The following MDGA2 variants were observed in gnomAD, a reference collection of about 807,000 sequenced individuals.
MDGA2 encodes the protein MAM domain-containing glycosylphosphatidylinositol anchor protein 2.
Under a neutral mutation model 117.8 loss-of-function variants are expected in MDGA2, and 40 were observed. The observed-to-expected ratio is 0.34, with a 90% CI of 0.26 to 0.44. MDGA2 has a LOEUF of 0.44. Among genes scored for constraint, MDGA2 ranks in the 20% least tolerant of loss-of-function variants. MDGA2 has a pLI of 1.00. For missense variants in MDGA2, 1,123 were observed against 1,250.6 expected, an observed-to-expected ratio of 0.90 and a Z score of 1.54; for synonymous variants, 452 against 439.0, an observed-to-expected ratio of 1.03 and a Z score of -0.37.
intron 9 of MDGA2, among the ~76,000 whole-genome samples, chr14:46,953,123 G>T (rs563535887): frequency 6.6e-6 from 1 of 151,822 alleles, no homozygotes; most frequent in African/African-American, 2.4e-5. Flanking sequence ...GTTTTTCAGA[G>T]AAAGTTTTTA....
intron 1 of MDGA2, among the ~76,000 whole-genome samples, chr14:47,660,616 C>T (rs1048267667): frequency 2.0e-5 from 3 of 152,100 alleles, no homozygotes; most frequent in Admixed American, 6.6e-5. Flanking sequence ...TAACTCTGCG[C>T]GAAAAATGCC....
At chr14:46,894,822 G>C (rs61991421) in intron 10 of MDGA2, among the ~76,000 whole-genome samples, 1 of 151,936 alleles carries the variant, frequency 6.6e-6, no homozygotes, top group Admixed American at 6.6e-5. Flanking sequence ...TCATTCTTTA[G>C]CAGCTTCTGA....
chr14:46,842,378 A>AT (rs760429659), intron 16 of MDGA2, among the ~76,000 whole-genome samples: 223 of 152,126 alleles, frequency 1.5e-3, no homozygotes, highest in Non-Finnish European at 2.7e-3. Flanking sequence ...CAAAAAGTAG[A>AT]TTTTTTTTCA....
intron 2 of MDGA2, among the ~76,000 whole-genome samples, chr14:47,254,012 G>A (rs1177042280): frequency 6.6e-6 from 1 of 152,212 alleles, no homozygotes; most frequent in Non-Finnish European, 1.5e-5. Context: ...GCCTCTTTTA[G>A]CCATGGCTGG....
At chr14:47,263,491 A>G (rs986327482) in intron 2 of MDGA2, among the ~76,000 whole-genome samples, 1 of 152,088 alleles carries the variant, frequency 6.6e-6, no homozygotes, top group Admixed American at 6.6e-5. Context: ...TTGATCTACT[A>G]CTAGTTTTTT....
intron 3 of MDGA2, among the ~76,000 whole-genome samples, chr14:47,171,141 T>C (rs770486484): frequency 6.6e-6 from 1 of 152,096 alleles, no homozygotes; most frequent in Non-Finnish European, 1.5e-5. Context: ...TTTTAAAAAA[T>C]TGCTTATTTT....
At position 47,265,207 on chromosome 14, in the gene MDGA2, C is replaced by T. The variant is rs574916676; in HGVS notation, c.420+36204G>A. Among the ~76,000 whole-genome samples, 33 of 152,184 alleles carry T rather than the reference C, an allele frequency of 2.2e-4. No individual in the cohort carries two copies. The South Asian group carries it at 6.4e-3, about 30-fold the overall frequency. On this transcript the variant is annotated intron_variant, in intron 2 of 16. Transcript: ENST00000399232. ...ATTTCCATCATATGGATTCAGTAGA[C>T]ATAAATAATTTCAAAAGCATTTGTA... is the stretch of plus-strand genomic sequence containing the variant.
At chr14:47,229,872 G>A (rs1266126328) in intron 2 of MDGA2, among the ~76,000 whole-genome samples, 1 of 151,904 alleles carries the variant, frequency 6.6e-6, no homozygotes, top group Non-Finnish European at 1.5e-5. Context: ...TATTCCAGTT[G>A]GCTGTAATGT....
intron 1 of MDGA2, among the ~76,000 whole-genome samples, chr14:47,493,996 C>T (rs942481533): frequency 6.6e-6 from 1 of 152,032 alleles, no homozygotes; most frequent in African/African-American, 2.4e-5. Context: ...AGGTTGGTTC[C>T]CCCATGCTTT....
chr14:47,195,958 A>C (rs571369821), intron 3 of MDGA2, among the ~76,000 whole-genome samples: 28 of 152,192 alleles, frequency 1.8e-4, no homozygotes, highest in African/African-American at 6.5e-4. Context: ...TACATTTTAA[A>C]TATATCCTAT....
intron 6 of MDGA2, among the ~76,000 whole-genome samples, chr14:47,071,185 A>G (rs573745799): frequency 7.9e-5 from 12 of 152,314 alleles, no homozygotes; most frequent in African/African-American, 2.9e-4. Context: ...ACACCCCAGT[A>G]TGTTGCTCAA....
intron 8 of MDGA2, among the ~76,000 whole-genome samples, chr14:47,026,862 T>C (rs1888491337): frequency 6.6e-6 from 1 of 152,182 alleles, no homozygotes; most frequent in Non-Finnish European, 1.5e-5. Flanking sequence ...AACAGAGGCA[T>C]GTAAACTTTT....
intron 3 of MDGA2, among the ~76,000 whole-genome samples, chr14:47,187,686 C>CAATG (rs1197465944): frequency 6.6e-6 from 1 of 151,960 alleles, no homozygotes; most frequent in Non-Finnish European, 1.5e-5. Context: ...CTGTTATGAA[C>CAATG]AATGCACTTT....
chr14:47,169,504 T>C (rs1884032795), intron 3 of MDGA2, among the ~76,000 whole-genome samples: 1 of 151,886 alleles, frequency 6.6e-6, no homozygotes, highest in South Asian at 2.1e-4. Flanking sequence ...TATCTATAGA[T>C]ACTAACAAAA....
At chr14:47,448,113 T>G (rs1893163165) in intron 1 of MDGA2, among the ~76,000 whole-genome samples, 2 of 141,776 alleles carry the variant, frequency 1.4e-5, no homozygotes, top group African/African-American at 5.4e-5. Context: ...GAAGCTTTAT[T>G]TGAGGCCTAC....
intron 1 of MDGA2, among the ~76,000 whole-genome samples, chr14:47,627,755 T>C (rs1897175316): frequency 6.6e-6 from 1 of 152,146 alleles, no homozygotes; most frequent in South Asian, 2.1e-4. Flanking sequence ...TTGTGGAAGC[T>C]TTGTTCTTTT....
chr14:47,317,793 A>G (rs557685910), intron 1 of MDGA2, among the ~76,000 whole-genome samples: 8 of 152,154 alleles, frequency 5.3e-5, no homozygotes, highest in African/African-American at 1.9e-4. Flanking sequence ...GTTACCATCT[A>G]TATGGCCCAC....
intron 8 of MDGA2, among the ~76,000 whole-genome samples, chr14:47,029,717 T>C (rs1410234994): frequency 2.6e-5 from 4 of 152,196 alleles, no homozygotes; most frequent in Non-Finnish European, 5.9e-5. Context: ...TTTATCAAAT[T>C]AAAATTGTAG....
chr14:47,284,477 T>C (rs867301734), intron 2 of MDGA2, among the ~76,000 whole-genome samples: 1 of 152,164 alleles, frequency 6.6e-6, no homozygotes, highest in African/African-American at 2.4e-5. Context: ...AGCCCATGGT[T>C]TCCTACTCCA....
Sources: allele counts gnomAD v4.1 joint callset (sites outside exome capture counted in the v4.1 genomes callset), GRCh38; gene constraint gnomAD v4.1.1; transcripts MANE v1.5; gene names NCBI Gene and HGNC (gene_info 2026-07-23, HGNC 2026-07-21).